ME1: variants seen among roughly 807,000 people sequenced by gnomAD.
ME1 encodes the protein malic enzyme 1, also known as NADP-dependent malic enzyme.
ME1 carries 74 observed loss-of-function variants against 66.4 expected under a neutral mutation model. That is an observed-to-expected ratio of 1.11 (90% CI 0.92 to 1.35). The LOEUF (loss-of-function observed/expected upper bound fraction) is 1.35, where lower values mean the gene tolerates loss of function less well. Ranked by LOEUF, ME1 falls within the 40% of genes most tolerant of loss-of-function variation. The pLI is 0.00. For missense variants in ME1, 750 were observed against 694.1 expected (o/e 1.08, Z -0.90); for synonymous variants, 251 against 235.6 (o/e 1.07, Z -0.60).
At chr6:83,308,709 T>C (rs566524498) in intron 6 of ME1, among the ~76,000 whole-genome samples, 44 of 150,696 alleles carry the variant, frequency 2.9e-4, no homozygotes, top group South Asian at 6.3e-4. Context: ...AAACTAGGGA[T>C]ATGGCAGTGG....
intron 11 of ME1, among the ~76,000 whole-genome samples, chr6:83,225,674 T>G (rs945261197): frequency 6.6e-6 from 1 of 152,014 alleles, no homozygotes; most frequent in East Asian, 1.9e-4. Flanking sequence ...CGGTTTTGTT[T>G]TCAGACAAGT....
chr6:83,427,094 A>G (rs1770388288), intron 1 of ME1, among the ~76,000 whole-genome samples: 1 of 152,232 alleles, frequency 6.6e-6, no homozygotes, highest in South Asian at 2.1e-4. Flanking sequence ...AAAAAACATT[A>G]AACATTAAAT....
chr6:83,404,410 A>G (rs1769896133), intron 2 of ME1, among the ~76,000 whole-genome samples: 1 of 152,092 alleles, frequency 6.6e-6, no homozygotes, highest in African/African-American at 2.4e-5. Flanking sequence ...GCCTTTTGTC[A>G]GATTGACAGA....
rs112425813 is a variant in ME1, at chr6:83,363,443, A to T, written c.363-11304T>A. On this transcript the variant is annotated intron_variant, in intron 3 of 13. Coordinates refer to ENST00000369705, the MANE Select transcript of ME1 (RefSeq NM_002395.6). The stretch of plus-strand genomic sequence containing the variant: ...GAAGAGTATTCATGGAATACAAGAG[A>T]TCCATTAGGGCTTGTCTTAGTACTG... Among the ~76,000 whole-genome samples, 662 of 152,288 alleles carry T rather than the reference A, an allele frequency of 4.3e-3. 4 individuals are homozygous for T. The highest frequency in any genetic ancestry group is 0.015 in the African/African-American group (622 of 41,560).
chr6:83,409,784 A>G (rs1326926402), intron 1 of ME1, among the ~76,000 whole-genome samples: 1 of 152,206 alleles, frequency 6.6e-6, no homozygotes, highest in East Asian at 1.9e-4. Context: ...TCTAAGTGCT[A>G]TCACCACAGC....
chr6:83,334,316 C>T (rs1356835814), intron 5 of ME1, among the ~76,000 whole-genome samples: 2 of 122,636 alleles, frequency 1.6e-5, no homozygotes, highest in Non-Finnish European at 3.4e-5. Context: ...GAGGGTCCTA[C>T]GCCCACGGAA....
At chr6:83,261,502 G>A (rs895021479) in intron 6 of ME1, among the ~76,000 whole-genome samples, 9 of 119,610 alleles carry the variant, frequency 7.5e-5, no homozygotes, top group Non-Finnish European at 1.6e-4. Flanking sequence ...TGTTGTGATT[G>A]TTTTTGCCAT....
chr6:83,415,205 C>G (rs983760178), intron 1 of ME1, among the ~76,000 whole-genome samples: 1 of 152,184 alleles, frequency 6.6e-6, no homozygotes, highest in Admixed American at 6.5e-5. Flanking sequence ...GATTTCTTAA[C>G]TCTTCAAGCT....
intron 3 of ME1, among the ~76,000 whole-genome samples, chr6:83,357,411 G>T (rs960305493): frequency 6.6e-6 from 1 of 152,112 alleles, no homozygotes; most frequent in African/African-American, 2.4e-5. Context: ...TTATTCAACA[G>T]GTTTTAATCT....
chr6:83,408,573 C>T (rs561300747), intron 1 of ME1, among the ~76,000 whole-genome samples: 2 of 152,308 alleles, frequency 1.3e-5, no homozygotes, highest in East Asian at 3.9e-4. Context: ...ACCTATGTTA[C>T]CTGTTTACAT....
chr6:83,315,439 T>C (rs1768013558), intron 5 of ME1, 26 bp from the exon 6 acceptor site: 1 of 1,273,756 alleles, frequency 7.9e-7, no homozygotes, highest in Non-Finnish European at 1.1e-6. Context: ...ACCATAAAAA[T>C]AGAAATAACT....
chr6:83,398,469 T>G lies in ME1; in HGVS notation c.260A>C (p.Tyr87Ser), dbSNP rs755658172. The G allele has an allele frequency of 1.3e-6, 2 of 1,584,456 alleles. No individual in the cohort carries two copies. Among genetic ancestry groups the G allele is most frequent in the Non-Finnish European group, 1.7e-6 (2 of 1,161,194 alleles). Residue 87 changes from tyrosine (Y) to serine (S), a missense_variant, in exon 3 of 14, where the codon TAT (tyrosine) becomes TCT (serine). Transcript: ENST00000369705. ...DLQDRNEKLFYRVLTSDIEKF... is the reference protein window; with the variant it reads ...DLQDRNEKLFSRVLTSDIEKF... ...CTCAATGTCAGATGTCAGCACTCTA[T>G]AAAAGAGTTTTTCATTTCTATCTTG... is the stretch of plus-strand genomic sequence containing the variant.
At position 83,357,933 on chromosome 6, in the gene ME1, C is replaced by A. The variant is rs3966921; in HGVS notation, c.363-5794G>T. On this transcript the variant is annotated intron_variant, in intron 3 of 13. Coordinates refer to ENST00000369705, the MANE Select transcript of ME1 (RefSeq NM_002395.6). ...TCTCTCTCTCTCTCTCTCTCTCTCT[C>A]TCTATATATATATATATATATATAT... Among the ~76,000 whole-genome samples the A allele has an allele frequency of 9.0e-3, 402 of 44,634 alleles. 3 individuals carry two copies. The highest frequency in any genetic ancestry group is 9.9e-3 in the East Asian group (13 of 1,316). The allele number at this position is 44,634 out of a possible 152,430, so 29.3% of individuals were successfully genotyped here. A position where few individuals can be genotyped will look rare whatever the true frequency, so the allele number is the denominator to read the frequency against.
intron 12 of ME1, among the ~76,000 whole-genome samples, chr6:83,222,233 C>A (rs915449998): frequency 1.3e-5 from 2 of 152,132 alleles, no homozygotes; most frequent in Admixed American, 6.5e-5. Flanking sequence ...TTATGTTTAA[C>A]AAGATTTTCT....
chr6:83,313,115 A>G (rs1767962039), intron 6 of ME1, among the ~76,000 whole-genome samples: 1 of 152,308 alleles, frequency 6.6e-6, no homozygotes, highest in Non-Finnish European at 1.5e-5. Flanking sequence ...ACCTGTAACA[A>G]TCATTTCCCA....
chr6:83,348,877 G>A (rs1416636410), intron 4 of ME1, among the ~76,000 whole-genome samples: 1 of 150,594 alleles, frequency 6.6e-6, no homozygotes, highest in East Asian at 1.9e-4. Flanking sequence ...CCAGCTACTC[G>A]GGAGGCTGAG....
At chr6:83,308,205 G>A (rs144475206) in intron 6 of ME1, among the ~76,000 whole-genome samples, 14 of 152,170 alleles carry the variant, frequency 9.2e-5, no homozygotes, top group East Asian at 1.9e-4. Context: ...TAATAACTAC[G>A]TTTGTGGCCA....
chr6:83,334,238 G>T (rs549174694), intron 5 of ME1, among the ~76,000 whole-genome samples: 1 of 145,934 alleles, frequency 6.9e-6, no homozygotes, highest in Admixed American at 6.9e-5. Flanking sequence ...ACTCCCACCC[G>T]AATATTGCGC....
chr6:83,320,457 A>C (rs1768129274), intron 5 of ME1, among the ~76,000 whole-genome samples: 1 of 152,250 alleles, frequency 6.6e-6, no homozygotes, highest in East Asian at 1.9e-4. Context: ...GAAAGTTAAC[A>C]AGTTATATCA....
Sources: allele counts gnomAD v4.1 joint callset (sites outside exome capture counted in the v4.1 genomes callset), GRCh38; gene constraint gnomAD v4.1.1; transcripts MANE v1.5; gene names NCBI Gene and HGNC (gene_info 2026-07-23, HGNC 2026-07-21).